The following LRMDA variants were observed in gnomAD, a reference collection of about 807,000 sequenced individuals.
LRMDA encodes leucine-rich melanocyte differentiation-associated protein.
Under a neutral mutation model 29.8 loss-of-function variants are expected in LRMDA, and 18 were observed. That is an observed-to-expected ratio of 0.60 (90% CI 0.42 to 0.90). The LOEUF (loss-of-function observed/expected upper bound fraction) is 0.90. LRMDA is among the 40% of genes least tolerant of loss of function. The pLI, the probability that LRMDA is intolerant of heterozygous loss-of-function variation, is 0.00. For missense variants in LRMDA, 273 were observed against 273.9 expected (o/e 1.00, Z 0.02); for synonymous variants, 125 against 109.4 (o/e 1.14, Z -0.89).
At chr10:76,171,139 T>C (rs868330445) in intron 5 of LRMDA, among the ~76,000 whole-genome samples, 1 of 152,204 alleles carries the variant, frequency 6.6e-6, no homozygotes, top group African/African-American at 2.4e-5. Context: ...CCCTTGTCCC[T>C]AAGTTTGTAG....
chr10:75,854,093 C>T (rs928275564), intron 2 of LRMDA, among the ~76,000 whole-genome samples: 20 of 151,898 alleles, frequency 1.3e-4, no homozygotes, highest in African/African-American at 4.4e-4. Flanking sequence ...GTAATGGGGG[C>T]GTGTAATAAA....
intron 2 of LRMDA, among the ~76,000 whole-genome samples, chr10:75,854,128 G>C (rs947169741): frequency 1.2e-4 from 18 of 152,164 alleles, no homozygotes; most frequent in Non-Finnish European, 7.3e-5. Flanking sequence ...TGGACATGCT[G>C]TGGGAGTGCA....
intron 2 of LRMDA, among the ~76,000 whole-genome samples, chr10:75,486,741 G>A (rs1844919717): frequency 6.6e-6 from 1 of 152,162 alleles, no homozygotes; most frequent in Non-Finnish European, 1.5e-5. Context: ...CTCTATGATG[G>A]CTGTAGCAGT....
At chr10:75,881,678 A>G (rs1402639383) in intron 2 of LRMDA, among the ~76,000 whole-genome samples, 4 of 152,212 alleles carry the variant, frequency 2.6e-5, no homozygotes, top group African/African-American at 9.6e-5. Context: ...TGGGGTGAAC[A>G]CCAAGTGGCC....
chr10:76,070,458 A>G (rs1848856869), intron 5 of LRMDA, among the ~76,000 whole-genome samples: 1 of 152,170 alleles, frequency 6.6e-6, no homozygotes, highest in South Asian at 2.1e-4. Context: ...CTCTCCACTC[A>G]TGGTGGAGAA....
At chr10:76,290,920 C>G (rs1439001860) in intron 5 of LRMDA, among the ~76,000 whole-genome samples, 3 of 152,154 alleles carry the variant, frequency 2.0e-5, no homozygotes, top group Non-Finnish European at 4.4e-5. Context: ...AACTACTTTG[C>G]TAGTTTCAGA....
At chr10:75,510,475 T>C (rs1845213421) in intron 2 of LRMDA, among the ~76,000 whole-genome samples, 1 of 152,176 alleles carries the variant, frequency 6.6e-6, no homozygotes, top group Non-Finnish European at 1.5e-5. Flanking sequence ...TGTTGGGTGT[T>C]AATGGTTGCT....
intron 6 of LRMDA, among the ~76,000 whole-genome samples, chr10:76,357,054 G>T (rs909994192): frequency 6.6e-6 from 1 of 152,108 alleles, no homozygotes; most frequent in South Asian, 2.1e-4. Context: ...ATTGGCAAGT[G>T]CAAAACAAAA....
chr10:75,433,144 C>A (rs1160336878), intron 1 of LRMDA, among the ~76,000 whole-genome samples: 3 of 152,044 alleles, frequency 2.0e-5, no homozygotes, highest in Admixed American at 2.0e-4. Context: ...ACAAGAGGGT[C>A]TTTTCCTTCT....
intron 5 of LRMDA, among the ~76,000 whole-genome samples, chr10:76,253,896 T>C (rs920375344): frequency 6.6e-6 from 1 of 152,158 alleles, no homozygotes; most frequent in African/African-American, 2.4e-5. Flanking sequence ...TTCTTTTTTC[T>C]TTTTTACTTT....
intron 2 of LRMDA, among the ~76,000 whole-genome samples, chr10:76,013,009 G>A (rs1847811717): frequency 1.3e-5 from 2 of 152,154 alleles, no homozygotes; most frequent in South Asian, 4.1e-4. Context: ...TGCGGGAGGG[G>A]GAGAAGGGGG....
At chr10:76,221,052 C>T (rs1204355887) in intron 5 of LRMDA, among the ~76,000 whole-genome samples, 2 of 152,022 alleles carry the variant, frequency 1.3e-5, no homozygotes, top group Non-Finnish European at 2.9e-5. Flanking sequence ...GCAGAAAAGG[C>T]GTTTGACAAA....
At chr10:76,098,429 G>A (rs1849346931) in intron 5 of LRMDA, among the ~76,000 whole-genome samples, 1 of 152,184 alleles carries the variant, frequency 6.6e-6, no homozygotes. Flanking sequence ...GGTAATTGGT[G>A]TCTTCAAAGG....
chr10:76,031,795 T>C (rs1391959748), intron 2 of LRMDA, among the ~76,000 whole-genome samples: 1 of 150,798 alleles, frequency 6.6e-6, no homozygotes, highest in Non-Finnish European at 1.5e-5. Flanking sequence ...AGATCTTGCT[T>C]TCTTGATTGG....
chr10:75,592,658 G>A (rs1840738189), intron 2 of LRMDA, among the ~76,000 whole-genome samples: 1 of 152,212 alleles, frequency 6.6e-6, no homozygotes, highest in Admixed American at 6.5e-5. Context: ...AGCCGCGTCT[G>A]ACGCGGCAGC....
At chr10:76,513,500 A>G (rs368279499) in intron 6 of LRMDA, among the ~76,000 whole-genome samples, 75 of 152,268 alleles carry the variant, frequency 4.9e-4, no homozygotes, top group African/African-American at 1.6e-3. Context: ...TTTTCCCTTC[A>G]GAGAGTACCA....
At chr10:75,803,395 G>A (rs1334157682) in intron 2 of LRMDA, among the ~76,000 whole-genome samples, 2 of 152,202 alleles carry the variant, frequency 1.3e-5, no homozygotes, top group Non-Finnish European at 2.9e-5. Context: ...CAGGTCCACT[G>A]GTTACCTGTT....
At chr10:76,340,515 C>CAAAA (rs1174024731) in intron 6 of LRMDA, among the ~76,000 whole-genome samples, 11,281 of 75,374 alleles carry the variant, frequency 0.15, 2,193 homozygotes, top group African/African-American at 0.38. Context: ...GAACCTGTAT[C>CAAAA]AAAAAAAAAA....
intron 6 of LRMDA, among the ~76,000 whole-genome samples, chr10:76,417,658 T>A (rs1423294615): frequency 6.6e-6 from 1 of 152,220 alleles, no homozygotes; most frequent in Admixed American, 6.5e-5. Flanking sequence ...GGATTTTTGT[T>A]GTTGTTGTTC....
Sources: gnomAD v4.1 joint callset for allele counts (sites outside exome capture counted in the v4.1 genomes callset) on GRCh38, gnomAD v4.1.1 for gene constraint, MANE v1.5 for transcripts, NCBI Gene and HGNC (gene_info 2026-07-23, HGNC 2026-07-21) for gene names.